The following SORCS3 variants were observed in gnomAD, a reference collection of about 807,000 sequenced individuals.
SORCS3 encodes the protein VPS10 domain-containing receptor SorCS3.
A neutral mutation model predicts 146.3 loss-of-function variants in SORCS3; 57 were observed. The observed-to-expected ratio is 0.39, with a 90% confidence interval of 0.31 to 0.49. The LOEUF (loss-of-function observed/expected upper bound fraction) is 0.49. Among genes scored for constraint, SORCS3 ranks in the 20% least tolerant of loss-of-function variants. The pLI is 0.92. For missense variants in SORCS3, 1,341 were observed against 1,575.5 expected (o/e 0.85, Z 2.52); for synonymous variants, 653 against 618.5 (o/e 1.06, Z -0.83).
chr10:105,041,705 A>G (rs111430631), intron 4 of SORCS3, among the ~76,000 whole-genome samples: 1,933 of 152,194 alleles, frequency 0.013, 25 homozygotes, highest in African/African-American at 0.034. Flanking sequence ...GAGTTGTAAC[A>G]TTATCGACTT....
chr10:105,179,262 GT>G (rs1370442368), intron 14 of SORCS3, among the ~76,000 whole-genome samples: 1 of 152,284 alleles, frequency 6.6e-6, no homozygotes, highest in Admixed American at 6.5e-5. Context: ...TCCCTAGCAA[GT>G]TTAAGGCCAC....
intron 1 of SORCS3, among the ~76,000 whole-genome samples, chr10:104,810,362 T>A (rs1309012440): frequency 6.6e-6 from 1 of 152,232 alleles, no homozygotes; most frequent in Non-Finnish European, 1.5e-5. Context: ...AGATTTATAT[T>A]TAACATTGTC....
intron 3 of SORCS3, among the ~76,000 whole-genome samples, chr10:104,935,152 A>G (rs536620968): frequency 1.1e-4 from 16 of 152,322 alleles, no homozygotes; most frequent in African/African-American, 3.4e-4. Context: ...TGAGTTAGGT[A>G]TTATAATTAT....
At chr10:104,808,572 C>T (rs1311446177) in intron 1 of SORCS3, among the ~76,000 whole-genome samples, 2 of 151,884 alleles carry the variant, frequency 1.3e-5, no homozygotes, top group Non-Finnish European at 2.9e-5. Flanking sequence ...TGTGTGAAGG[C>T]CTGGAATCAA....
intron 3 of SORCS3, among the ~76,000 whole-genome samples, chr10:104,916,400 C>G (rs1342659820): frequency 6.6e-6 from 1 of 152,124 alleles, no homozygotes; most frequent in Non-Finnish European, 1.5e-5. Flanking sequence ...ATTGTTTCTC[C>G]CACGTGAAGG....
At chr10:104,662,605 G>GAC (rs753984740) in intron 1 of SORCS3, among the ~76,000 whole-genome samples, 11 of 152,200 alleles carry the variant, frequency 7.2e-5, no homozygotes, top group Non-Finnish European at 1.5e-4. Flanking sequence ...TTGAACTGCT[G>GAC]ACCCCATGAG....
Position 105,178,214 on chromosome 10 carries a change from C to T in SORCS3, c.2009+41C>T, listed in dbSNP as rs766510471. On this transcript the variant is annotated intron_variant, in intron 14 of 26. Transcript: ENST00000369701. ...GCTGTGACAGGAAGAAGACCAGAGA[C>T]ACTGGTTCTACTTTCATTGAGGCCT... 7.3e-6 allele frequency: 11 copies of T among 1,497,068 alleles called. No individual in the cohort carries two copies. The African/African-American group carries it at 1.4e-4, about 19-fold the overall frequency. 92.7% of individuals were successfully genotyped at this position (1,497,068 alleles called of 1,614,324 possible). A position where few individuals can be genotyped will look rare whatever the true frequency, so the allele number is the denominator to read the frequency against.
chr10:104,785,592 A>T (rs192596671), intron 1 of SORCS3, among the ~76,000 whole-genome samples: 46 of 30,666 alleles, frequency 1.5e-3, no homozygotes, highest in South Asian at 4.1e-3. Context: ...AAAATAAATT[A>T]AAAAAAAAAA....
chr10:104,751,924 CATATATATAT>C (rs71482435), intron 1 of SORCS3, among the ~76,000 whole-genome samples: 1,668 of 38,376 alleles, frequency 0.043, 33 homozygotes, highest in Non-Finnish European at 0.06. Context: ...TAATAGGAAG[CATATATATAT>C]ATATATATAT....
At chr10:105,135,912 T>C (rs1564763696) in intron 7 of SORCS3, among the ~76,000 whole-genome samples, 1 of 152,218 alleles carries the variant, frequency 6.6e-6, no homozygotes, top group Non-Finnish European at 1.5e-5. Flanking sequence ...CTAAGGATAC[T>C]TAAGTTCTTT....
chr10:104,814,272 T>C (rs1260252754), intron 1 of SORCS3, among the ~76,000 whole-genome samples: 1 of 152,188 alleles, frequency 6.6e-6, no homozygotes, highest in Non-Finnish European at 1.5e-5. Flanking sequence ...TAGCCTTTTC[T>C]ATATTCTTTC....
intron 1 of SORCS3, among the ~76,000 whole-genome samples, chr10:104,643,794 G>A (rs1175258528): frequency 2.6e-5 from 4 of 151,144 alleles, no homozygotes; most frequent in African/African-American, 9.7e-5. Context: ...AGGATGTGTG[G>A]AAGTAAATAT....
intron 1 of SORCS3, among the ~76,000 whole-genome samples, chr10:104,686,887 A>C (rs1043572571): frequency 6.6e-6 from 1 of 151,866 alleles, no homozygotes; most frequent in Admixed American, 6.6e-5. Context: ...CAGTCCACCC[A>C]TGCATCCATG....
chr10:105,147,505 A>G (rs948081231), intron 8 of SORCS3, 112 bp from the exon 9 acceptor site: 8 of 883,490 alleles, frequency 9.1e-6, no homozygotes, highest in Non-Finnish European at 1.2e-5. Flanking sequence ...AACATTGCCT[A>G]TAACTCAAGC....
At chr10:105,015,171 C>CT (rs1274613735) in intron 4 of SORCS3, among the ~76,000 whole-genome samples, 2 of 152,148 alleles carry the variant, frequency 1.3e-5, no homozygotes, top group Non-Finnish European at 2.9e-5. Flanking sequence ...CTAGTATGTC[C>CT]TGGGTAGCAG....
At chr10:105,088,164 A>C (rs530349431) in intron 5 of SORCS3, among the ~76,000 whole-genome samples, 2 of 152,202 alleles carry the variant, frequency 1.3e-5, no homozygotes, top group Non-Finnish European at 2.9e-5. Context: ...GAAGTCAGGA[A>C]GTCTTTCTAA....
intron 1 of SORCS3, among the ~76,000 whole-genome samples, chr10:104,759,128 T>G (rs192687143): frequency 2.6e-5 from 4 of 152,240 alleles, no homozygotes; most frequent in Admixed American, 2.6e-4. Flanking sequence ...CAGACACATA[T>G]AGGGAGGATG....
intron 5 of SORCS3, among the ~76,000 whole-genome samples, chr10:105,058,398 G>A (rs984229480): frequency 6.6e-6 from 1 of 152,176 alleles, no homozygotes; most frequent in Admixed American, 6.5e-5. Context: ...CATTTAACGA[G>A]TGTCATGGAA....
chr10:105,219,700 G>T (rs2119662135), intron 19 of SORCS3, among the ~76,000 whole-genome samples: 1 of 152,270 alleles, frequency 6.6e-6, no homozygotes, highest in Non-Finnish European at 1.5e-5. Context: ...TATTAACTTT[G>T]TACCTGACAT....
Sources: gnomAD v4.1 joint callset for allele counts (sites outside exome capture counted in the v4.1 genomes callset) on GRCh38, gnomAD v4.1.1 for gene constraint, MANE v1.5 for transcripts, NCBI Gene and HGNC (gene_info 2026-07-23, HGNC 2026-07-21) for gene names.